Variants in SNRPB observed in about 807,000 individuals in gnomAD.
The protein encoded by SNRPB is small nuclear ribonucleoprotein-associated proteins B and B'.
In SNRPB, 5 loss-of-function variants were observed where a neutral mutation model predicts 26.6. That is an observed-to-expected ratio of 0.19 (90% CI 0.10 to 0.39). The LOEUF is 0.39. Among genes scored for constraint, SNRPB ranks in the 10% least tolerant of loss-of-function variants. The pLI is 1.00. For synonymous variants in SNRPB, 122 were observed against 105.8 expected (o/e 1.15, Z -0.94); for missense variants, 211 against 311.9 (o/e 0.68, Z 2.44).
rs747083353 is a variant in SNRPB at position 2,461,824 on chromosome 20, C to CT, written c.*104dup. The CT allele has an allele frequency of 6.2e-7, 1 of 1,613,872 alleles. No individual in the cohort carries two copies. The highest frequency in any genetic ancestry group is 8.5e-7 in the Non-Finnish European group (1 of 1,179,930). ...AGGGAAACCAGACAATCCCATGAGA[C>CT]TCCACGAACAACAGCATAAGAAACA... On this transcript the variant is annotated 3_prime_UTR_variant, in exon 7 of 7. Transcript: ENST00000381342.
intron 1 of SNRPB, among the ~76,000 whole-genome samples, chr20:2,468,524 T>C (rs953271225): frequency 6.6e-6 from 1 of 152,250 alleles, no homozygotes; most frequent in African/African-American, 2.4e-5. Context: ...CCCATCAGTC[T>C]GACTGCTATA....
intron 3 of SNRPB, among the ~76,000 whole-genome samples, chr20:2,465,041 G>T (rs1343083520): frequency 6.6e-6 from 1 of 152,174 alleles, no homozygotes; most frequent in African/African-American, 2.4e-5. Context: ...GTGGCACCTT[G>T]GGCAAGTTAC....
chr20:2,464,855 C>T (rs992258844), intron 3 of SNRPB, among the ~76,000 whole-genome samples: 1 of 145,908 alleles, frequency 6.9e-6, no homozygotes, highest in Non-Finnish European at 1.5e-5. Flanking sequence ...GGCGACAGAG[C>T]GAGACTCCAT....
rs2085049630 is a variant in SNRPB at position 2,463,424 on chromosome 20, G to C, written c.421-197C>G. Reference sequence around the variant, plus strand: ...TTGAATGCCCAACTCCCATCTTCTAGACCTGAATGTAAGCATGTCCAATCC... The same window carrying C: ...TTGAATGCCCAACTCCCATCTTCTACACCTGAATGTAAGCATGTCCAATCC... On this transcript the variant is annotated intron_variant, in intron 4 of 6. Transcript: ENST00000381342. The surrounding 1 kb of genome is among the most constrained non-coding windows in gnomAD (Gnocchi z 5.0). Among the ~76,000 whole-genome samples the C allele has an allele frequency of 6.6e-6, 1 of 152,210 alleles. No individual in the cohort carries two copies. The highest frequency in any genetic ancestry group is 1.5e-5 in the Non-Finnish European group (1 of 68,038).
chr20:2,466,680 C>T (rs185606888), intron 2 of SNRPB, among the ~76,000 whole-genome samples: 36 of 152,128 alleles, frequency 2.4e-4, no homozygotes, highest in African/African-American at 6.8e-4. Context: ...AAAAACCCTT[C>T]GGGGTATTTT....
chr20:2,461,990 C>A, intron 6 of SNRPB, 51 bp from the exon 7 acceptor site: 1 of 1,353,636 alleles, frequency 7.4e-7, no homozygotes, highest in South Asian at 1.2e-5. Context: ...AACTTGAATC[C>A]CCAACCCTGC....
chr20:2,464,033 C>A, intron 3 of SNRPB, 134 bp from the exon 4 acceptor site: 1 of 736,602 alleles, frequency 1.4e-6, no homozygotes, highest in Non-Finnish European at 2.3e-6. Context: ...TACTACCTCT[C>A]CATGTGTGCC....
At chr20:2,466,333 C>T (rs1599999990) in intron 2 of SNRPB, among the ~76,000 whole-genome samples, 2 of 152,192 alleles carry the variant, frequency 1.3e-5, no homozygotes, top group Non-Finnish European at 2.9e-5. Context: ...AGAGAAATTT[C>T]ACATACACAG....
intron 2 of SNRPB, chr20:2,467,045 A>G (rs2085079008): frequency 3.7e-6 from 1 of 272,790 alleles, no homozygotes; most frequent in Non-Finnish European, 7.3e-6. Flanking sequence ...TTAATGGGCC[A>G]AAAGCTTAAG....
intron 1 of SNRPB, among the ~76,000 whole-genome samples, chr20:2,469,869 C>T (rs1030340164): frequency 6.6e-6 from 1 of 152,136 alleles, no homozygotes; most frequent in Non-Finnish European, 1.5e-5. Context: ...CAGAAAAATC[C>T]AGTAACTTTT....
intron 1 of SNRPB, among the ~76,000 whole-genome samples, chr20:2,468,348 A>G (rs186971577): frequency 6.3e-4 from 96 of 152,302 alleles, no homozygotes; most frequent in Non-Finnish European, 1.1e-3. Flanking sequence ...TGGACATATA[A>G]TGGTCTTTAA....
rs969729428 is a variant in SNRPB at position 2,463,912 on chromosome 20, C to T, written c.268-13G>A. On this transcript the variant is annotated splice_polypyrimidine_tract_variant and intron_variant, in intron 3 of 6. Transcript: ENST00000381342. The surrounding 1 kb of genome is among the most constrained non-coding windows in gnomAD (Gnocchi z 5.0). Reference sequence around the variant, plus strand: ...GAGCAATACCAGTCTGAAAAATAAACAAATATGCTCTGATGCCCAGTGATC... The same window carrying T: ...GAGCAATACCAGTCTGAAAAATAAATAAATATGCTCTGATGCCCAGTGATC... 1 of 1,610,070 alleles carries T rather than the reference C, an allele frequency of 6.2e-7. No homozygotes were observed.
chr20:2,468,184 G>A (rs1309461106), intron 1 of SNRPB, among the ~76,000 whole-genome samples: 4 of 152,184 alleles, frequency 2.6e-5, no homozygotes, highest in Non-Finnish European at 5.9e-5. Context: ...GAATAGGGCT[G>A]AAACTAAAAA....
At position 2,463,851 on chromosome 20, in the gene SNRPB, T is replaced by C. The variant is rs1265185466; in HGVS notation, c.316A>G (p.Ile106Val). The C allele has an allele frequency of 6.2e-7, 1 of 1,613,406 alleles. No individual in the cohort carries two copies. Among genetic ancestry groups the C allele is most frequent in the Non-Finnish European group, 8.5e-7 (1 of 1,179,602 alleles). The change falls in exon 4 of 7, where the codon ATC (isoleucine) becomes GTC (valine). Residue 106 changes from isoleucine (I) to valine (V), a missense_variant. By Grantham distance (29) the Ile-to-Val change is conservative. Transcript: ENST00000381342. This position sits in a 1 kb window ranked among gnomAD's most constrained non-coding sequence, Gnocchi z 5.0. ...ATTCCTCTGCCAGCAGCCCTGCCGA[T>C]CCCTGGGCCCCCGGCAGCTCCAGCA... ...PLAGAAGGPG[I>V]GRAAGRGIPA...
rs200258678 is a variant in SNRPB, at chr20:2,470,698, G to A, written c.-8C>T. On this transcript the variant is annotated 5_prime_UTR_variant, in exon 1 of 7. Coordinates refer to ENST00000381342, the MANE Select transcript of SNRPB (RefSeq NM_003091.4). ...CTGTGCCCTCCTTACCATGGTGGCG[G>A]TTCTGATGGCTCTGATACCCGCCGG... The A allele has an allele frequency of 3.5e-5, 56 of 1,613,408 alleles. No homozygotes were observed. The South Asian group carries it at 5.2e-4, about 15-fold the overall frequency.
Position 2,463,084 on chromosome 20 carries a change from C to G in SNRPB, c.559+5G>C. On this transcript the variant is annotated splice_donor_5th_base_variant and intron_variant, in intron 5 of 6. Transcript: ENST00000381342. The surrounding 1 kb of genome is among the most constrained non-coding windows in gnomAD (Gnocchi z 5.0). ...TTAGCACTGGTCTCCTTATGGGCTC[C>G]TCACCTGGAGGGGGTGCTCCTCGGC... 25 of 1,552,332 alleles carry G rather than the reference C, an allele frequency of 1.6e-5. No homozygotes were observed. Among genetic ancestry groups the G allele is most frequent in the Non-Finnish European group, 2.2e-5 (25 of 1,153,240 alleles).
At position 2,461,720 on chromosome 20, in the gene SNRPB, G is replaced by A; in HGVS notation, c.*209C>T. ...AAAAGGACTATGTACAGCCTTACGG[G>A]AAACAGGCAGGGAGCTGAGGAGGGC... On this transcript the variant is annotated 3_prime_UTR_variant, in exon 7 of 7. Transcript: ENST00000381342. 6.6e-7 allele frequency: 1 copy of A among 1,506,942 alleles called. No individual in the cohort carries two copies. The highest frequency in any genetic ancestry group is 9.0e-7 in the Non-Finnish European group (1 of 1,109,398). 93.3% of individuals were successfully genotyped at this position (1,506,942 alleles called of 1,614,324 possible).
chr20:2,465,904 C>T (rs781435826), intron 2 of SNRPB, 85 bp from the exon 3 acceptor site: 2 of 938,534 alleles, frequency 2.1e-6, no homozygotes, highest in Admixed American at 1.9e-5. Context: ...TTTGCTTATA[C>T]TGCATCTCCT....
Position 2,467,362 on chromosome 20 carries a change from G to A in SNRPB, c.155+245C>T, listed in dbSNP as rs6114384. 0.015 allele frequency: 8,985 copies of A among 593,734 alleles called. 536 individuals carry two copies. Among genetic ancestry groups the A allele is most frequent in the African/African-American group, 0.14 (7,437 of 53,956 alleles). 36.8% of individuals were successfully genotyped at this position (593,734 alleles called of 1,614,324 possible). The stretch of plus-strand genomic sequence containing the variant: ...CCTTTACCCCAGTACCCAGGGGCAC[G>A]CAAAGTGAGAGAAACAAAAAGCCTA... On this transcript the variant is annotated intron_variant, in intron 2 of 6. Coordinates refer to ENST00000381342, the MANE Select transcript of SNRPB (RefSeq NM_003091.4).
Sources: allele counts gnomAD v4.1 joint callset (sites outside exome capture counted in the v4.1 genomes callset), GRCh38; gene constraint gnomAD v4.1.1; non-coding constraint Gnocchi (gnomAD v3.1); transcripts MANE v1.5; gene names NCBI Gene and HGNC (gene_info 2026-07-23, HGNC 2026-07-21).